DNM3: variants seen among roughly 807,000 people sequenced by gnomAD.
The protein encoded by DNM3 is dynamin 3.
A neutral mutation model predicts 101.6 loss-of-function variants in DNM3; 47 were observed. The observed-to-expected ratio is 0.46, with a 90% CI of 0.37 to 0.59. The LOEUF is 0.59. Ranked by LOEUF, DNM3 falls within the 20% of genes least tolerant of loss-of-function variation. The pLI, the probability that DNM3 is intolerant of heterozygous loss-of-function variation, is 0.00. For synonymous variants in DNM3, 385 were observed against 387.9 expected, an observed-to-expected ratio of 0.99 and a Z score of 0.09; for missense variants, 849 against 1,085.7, an observed-to-expected ratio of 0.78 and a Z score of 3.06.
At chr1:171,879,426 T>C (rs2036066992) in intron 1 of DNM3, among the ~76,000 whole-genome samples, 1 of 152,240 alleles carries the variant, frequency 6.6e-6, no homozygotes, top group South Asian at 2.1e-4. Context: ...TTATTTTGAA[T>C]GTTTGAAAGC....
chr1:172,074,671 A>T (rs993104325), intron 11 of DNM3, among the ~76,000 whole-genome samples: 11 of 152,206 alleles, frequency 7.2e-5, no homozygotes, highest in Non-Finnish European at 1.6e-4. Context: ...GCTACATAGT[A>T]TTCCATGGTG....
intron 17 of DNM3, among the ~76,000 whole-genome samples, chr1:172,357,057 T>G (rs1034056509): frequency 6.6e-6 from 1 of 152,080 alleles, no homozygotes; most frequent in Non-Finnish European, 1.5e-5. Flanking sequence ...AATCCATACT[T>G]ACATAAATAA....
intron 4 of DNM3, among the ~76,000 whole-genome samples, chr1:172,000,984 G>A (rs1283507228): frequency 1.3e-5 from 2 of 152,076 alleles, no homozygotes; most frequent in African/African-American, 4.8e-5. Flanking sequence ...ATGGAGGATA[G>A]AGATGAGATA....
chr1:172,075,892 A>G (rs2052609248), intron 11 of DNM3, among the ~76,000 whole-genome samples: 1 of 152,232 alleles, frequency 6.6e-6, no homozygotes, highest in Admixed American at 6.5e-5. Context: ...GAATCTATAA[A>G]TTACTTTGGG....
At chr1:172,264,438 T>G (rs1344294709) in intron 15 of DNM3, among the ~76,000 whole-genome samples, 1 of 152,226 alleles carries the variant, frequency 6.6e-6, no homozygotes, top group Non-Finnish European at 1.5e-5. Flanking sequence ...CCACTTATAT[T>G]GATTCTGAGG....
At chr1:172,327,387 T>C (rs1198436391) in intron 17 of DNM3, among the ~76,000 whole-genome samples, 1 of 152,144 alleles carries the variant, frequency 6.6e-6, no homozygotes, top group African/African-American at 2.4e-5. Context: ...ATTAAATCCA[T>C]ATTAATTAGT....
At chr1:172,385,626 T>A (rs2069139059) in intron 18 of DNM3, among the ~76,000 whole-genome samples, 1 of 152,274 alleles carries the variant, frequency 6.6e-6, no homozygotes, top group Non-Finnish European at 1.5e-5. Context: ...TTTACATGTT[T>A]TGATGCCTTT....
At chr1:172,041,379 T>A (rs1168315442) in intron 7 of DNM3, among the ~76,000 whole-genome samples, 1 of 152,088 alleles carries the variant, frequency 6.6e-6, no homozygotes, top group Non-Finnish European at 1.5e-5. Context: ...TGCAGGAGGA[T>A]CAGCAGGTTT....
At chr1:172,244,139 G>A (rs1282592465) in intron 14 of DNM3, among the ~76,000 whole-genome samples, 1 of 151,908 alleles carries the variant, frequency 6.6e-6, no homozygotes, top group Non-Finnish European at 1.5e-5. Context: ...TCTTGTGATA[G>A]TTTACTGAGA....
chr1:172,012,516 C>G (rs183221540), intron 4 of DNM3, among the ~76,000 whole-genome samples: 7 of 151,930 alleles, frequency 4.6e-5, no homozygotes, highest in Admixed American at 4.6e-4. Context: ...TATGTGGATT[C>G]TTTTTTTTGT....
chr1:172,243,686 A>G (rs2061832788), intron 14 of DNM3, among the ~76,000 whole-genome samples: 1 of 152,198 alleles, frequency 6.6e-6, no homozygotes, highest in Non-Finnish European at 1.5e-5. Context: ...CAGGGAGTTT[A>G]TACAGTGCTC....
intron 17 of DNM3, among the ~76,000 whole-genome samples, chr1:172,354,034 G>A (rs775497332): frequency 2.7e-5 from 4 of 150,592 alleles, no homozygotes; most frequent in Non-Finnish European, 5.9e-5. Context: ...TAACTTCTCC[G>A]AAATAGGTAA....
intron 14 of DNM3, among the ~76,000 whole-genome samples, chr1:172,146,874 A>G (rs1012566148): frequency 1.3e-5 from 2 of 152,106 alleles, no homozygotes; most frequent in African/African-American, 4.8e-5. Flanking sequence ...CCATGATTTC[A>G]CCTTAGTCTG....
At chr1:172,330,958 T>C (rs1313061221) in intron 17 of DNM3, among the ~76,000 whole-genome samples, 1 of 152,196 alleles carries the variant, frequency 6.6e-6, no homozygotes, top group East Asian at 1.9e-4. Context: ...GTTGTGATTA[T>C]ACAGATTTTG....
At position 172,411,334 on chromosome 1, in the gene DNM3, C is replaced by T. The variant is rs2071191544; in HGVS notation, c.*3493C>T. ...AATTACCATGACAACATGGTAATGTCCATAGACATTTGTATCTGAATCCAC... is the reference window on the plus strand; with the variant it reads ...AATTACCATGACAACATGGTAATGTTCATAGACATTTGTATCTGAATCCAC... On this transcript the variant is annotated 3_prime_UTR_variant, in exon 21 of 21. Transcript: ENST00000627582. 4 of 984,706 alleles carry T rather than the reference C, an allele frequency of 4.1e-6. No homozygotes were observed. The highest frequency in any genetic ancestry group is 4.8e-6 in the Non-Finnish European group (4 of 829,568). 61.0% of individuals were successfully genotyped at this position (984,706 alleles called of 1,614,324 possible).
intron 2 of DNM3, among the ~76,000 whole-genome samples, chr1:171,975,684 A>G (rs2044317456): frequency 6.6e-6 from 1 of 152,258 alleles, no homozygotes; most frequent in Non-Finnish European, 1.5e-5. Flanking sequence ...GTTGCAGATA[A>G]AGATTCAAAA....
At chr1:172,234,653 C>A (rs1177834458) in intron 14 of DNM3, among the ~76,000 whole-genome samples, 1 of 152,052 alleles carries the variant, frequency 6.6e-6, no homozygotes, top group Non-Finnish European at 1.5e-5. Context: ...GCTACAGTAA[C>A]CAAAACAGCA....
intron 15 of DNM3, among the ~76,000 whole-genome samples, chr1:172,304,222 A>AAAAAAC (rs745651671): frequency 6.2e-5 from 8 of 129,004 alleles, no homozygotes; most frequent in Admixed American, 1.5e-4. Flanking sequence ...AAAAAAAAAA[A>AAAAAAC]CAGGAGTTGC....
At chr1:172,176,196 G>A (rs1047031106) in intron 14 of DNM3, among the ~76,000 whole-genome samples, 1 of 151,794 alleles carries the variant, frequency 6.6e-6, no homozygotes, top group Non-Finnish European at 1.5e-5. Context: ...ATTCAGAGTT[G>A]AAGAGAAGAT....
Sources: allele counts gnomAD v4.1 joint callset (sites outside exome capture counted in the v4.1 genomes callset), GRCh38; gene constraint gnomAD v4.1.1; transcripts MANE v1.5; gene names NCBI Gene and HGNC (gene_info 2026-07-23, HGNC 2026-07-21).